CRLF1: variants seen among roughly 807,000 people sequenced by gnomAD.
The protein encoded by CRLF1 is cytokine receptor like factor 1.
A neutral mutation model predicts 48.9 loss-of-function variants in CRLF1; 36 were observed. The observed-to-expected ratio is 0.74, with a 90% CI of 0.56 to 0.97. The LOEUF (loss-of-function observed/expected upper bound fraction) is 0.97. Among genes scored for constraint, CRLF1 ranks in the 50% least tolerant of loss-of-function variants. The probability of loss-of-function intolerance (pLI) is 0.00; values close to 1 mark genes in which losing one functional copy is unlikely to be tolerated. For missense variants in CRLF1, 534 were observed against 575.1 expected, an observed-to-expected ratio of 0.93 and a Z score of 0.73; for synonymous variants, 256 against 253.4, an observed-to-expected ratio of 1.01 and a Z score of -0.10.
intron 1 of CRLF1, among the ~76,000 whole-genome samples, chr19:18,601,468 G>A (rs774716569): frequency 1.3e-5 from 2 of 152,042 alleles, no homozygotes; most frequent in Non-Finnish European, 2.9e-5. Flanking sequence ...GTAGAGATGT[G>A]GTTTCACCGT....
In CRLF1 at chr19:18,596,613, G is replaced by A. The variant is rs754221400; in HGVS notation, c.1024+9C>T. The A allele has an allele frequency of 9.3e-6, 15 of 1,613,870 alleles. No homozygotes were observed. The highest frequency in any genetic ancestry group is 1.3e-5 in the Non-Finnish European group (15 of 1,179,878). On this transcript the variant is annotated intron_variant, in intron 6 of 8. Coordinates refer to ENST00000392386, the MANE Select transcript of CRLF1 (RefSeq NM_004750.5). ...CCGCTGGATCACCCAGCCCTAGGAGGGTGCTCACCACTGCGGGGAGTGGAG... is the reference window on the plus strand; with the variant it reads ...CCGCTGGATCACCCAGCCCTAGGAGAGTGCTCACCACTGCGGGGAGTGGAG...
At chr19:18,598,734 G>A (rs766802720) in intron 3 of CRLF1, 38 bp downstream of exon 3, 6 of 1,614,084 alleles carry the variant, frequency 3.7e-6, no homozygotes, top group Non-Finnish European at 5.1e-6. Context: ...CACGCAGCCA[G>A]CCTGGGACAC....
intron 8 of CRLF1, 33 bp downstream of exon 8, chr19:18,594,032 T>TGCGGCC: frequency 1.4e-6 from 1 of 695,814 alleles, no homozygotes; most frequent in Non-Finnish European, 2.2e-6. Context: ...CTCCCCTTGC[T>TGCGGCC]CCCTCCCGCC....
chr19:18,594,072 C>T lies in CRLF1; in HGVS notation c.1248G>A (p.Thr416=), dbSNP rs569275222. 12 of 1,538,088 alleles carry T rather than the reference C, an allele frequency of 7.8e-6. No homozygotes were observed. Among genetic ancestry groups the T allele is most frequent in the Non-Finnish European group, 1.1e-5 (12 of 1,139,992 alleles). ...EGILPSGRRG[T]ARGPAR ...CATTCAGGCCCACCTTACCTCTCGC[C>T]GTGCCCCGTCTGCCCGAGGGCAGGA... Residue 416 remains threonine, a synonymous_variant, in exon 8 of 9, where the codon ACG becomes ACA. Transcript: ENST00000392386.
At chr19:18,604,017 C>G (rs1011054888) in intron 1 of CRLF1, among the ~76,000 whole-genome samples, 1 of 152,226 alleles carries the variant, frequency 6.6e-6, no homozygotes, top group African/African-American at 2.4e-5. Context: ...CCACCCACCG[C>G]TTCCTGCCTG....
At chr19:18,594,221 C>G in intron 7 of CRLF1, 26 bp downstream of exon 7, 1 of 1,612,552 alleles carries the variant, frequency 6.2e-7, no homozygotes, top group Non-Finnish European at 8.5e-7. Context: ...TCCCCACCCC[C>G]ACGCCCGAGG....
intron 6 of CRLF1, among the ~76,000 whole-genome samples, chr19:18,594,912 G>C (rs901572934): frequency 3.3e-5 from 5 of 152,144 alleles, no homozygotes; most frequent in Non-Finnish European, 7.4e-5. Context: ...GCCTGATCAG[G>C]GTAGGACAGA....
At position 18,598,826 on chromosome 19, in the gene CRLF1, C is replaced by T. The variant is rs372978101; in HGVS notation, c.473G>A (p.Gly158Glu). The change falls in exon 3 of 9, where the codon GGG (glycine) becomes GAG (glutamate). Residue 158 changes from glycine to glutamate, a missense_variant. Around this residue, in one of 2 missense-constraint regions of CRLF1, gnomAD observed 528 missense variants for 555.7 expected, o/e 0.95. Coordinates refer to ENST00000392386, the MANE Select transcript of CRLF1 (RefSeq NM_004750.5). ...GTGGAGGAAGGTCTCCCCGTGGGCCCCTGGCGTCCAGCGGCAGGTCAAGTC... is the reference window on the plus strand; with the variant it reads ...GTGGAGGAAGGTCTCCCCGTGGGCCTCTGGCGTCCAGCGGCAGGTCAAGTC... ...MKDLTCRWTP[G>E]AHGETFLHTN... 1.9e-6 allele frequency: 3 copies of T among 1,614,116 alleles called. No individual in the cohort carries two copies. The highest frequency in any genetic ancestry group is 3.3e-5 in the Admixed American group (2 of 60,018).
At chr19:18,602,899 C>T (rs1028324375) in intron 1 of CRLF1, among the ~76,000 whole-genome samples, 25 of 152,028 alleles carry the variant, frequency 1.6e-4, no homozygotes, top group Non-Finnish European at 2.2e-4. Flanking sequence ...TTAGGAGAGA[C>T]GGAGTTTCGC....
intron 1 of CRLF1, among the ~76,000 whole-genome samples, chr19:18,601,279 G>GTTT (rs58921623): frequency 7.0e-6 from 1 of 143,026 alleles, no homozygotes; most frequent in Non-Finnish European, 1.5e-5. Context: ...AGAGCACCAT[G>GTTT]TTTTTTTTTT....
chr19:18,594,281 G>T lies in CRLF1; in HGVS notation c.1178C>A (p.Ala393Asp). 1.2e-6 allele frequency: 2 copies of T among 1,612,562 alleles called. No homozygotes were observed. Among genetic ancestry groups the T allele is most frequent in the South Asian group, 2.2e-5 (2 of 91,062 alleles). ...LSFRLYDQWR[A>D]WMQKSHKTRN... is the part of the protein sequence containing the mutation. ...GGTCTTGTGCGACTTCTGCATCCAGGCTCGCCACTGGTCGTAGAGGCGGAA... is the reference window on the plus strand; with the variant it reads ...GGTCTTGTGCGACTTCTGCATCCAGTCTCGCCACTGGTCGTAGAGGCGGAA... The change falls in exon 7 of 9, where the codon GCC becomes GAC. Residue 393 changes from alanine to aspartate, a missense_variant. This residue lies in a region of CRLF1 where 528 missense variants were observed against 555.7 expected (regional missense o/e 0.95). Coordinates refer to ENST00000392386, the MANE Select transcript of CRLF1 (RefSeq NM_004750.5).
chr19:18,601,792 A>G (rs1187451028), intron 1 of CRLF1, among the ~76,000 whole-genome samples: 1 of 152,112 alleles, frequency 6.6e-6, no homozygotes, highest in Non-Finnish European at 1.5e-5. Flanking sequence ...CTTATATGTT[A>G]AAGATGAAAA....
At position 18,605,344 on chromosome 19, in the gene CRLF1, C is replaced by T. The variant is rs146899185; in HGVS notation, c.115+1198G>A. Among the ~76,000 whole-genome samples, 343 of 152,304 alleles carry T rather than the reference C, an allele frequency of 2.3e-3. 1 individual carries two copies. Among genetic ancestry groups the T allele is most frequent in the African/African-American group, 8.0e-3 (331 of 41,576 alleles). On this transcript the variant is annotated intron_variant, in intron 1 of 8. Coordinates refer to ENST00000392386, the MANE Select transcript of CRLF1 (RefSeq NM_004750.5). ...CCCTAGAAGATGCCCGGACCCTGCC[C>T]CTTCCCGGAGGAGCCCTACAGGCAG...
At chr19:18,594,007 C>A in intron 8 of CRLF1, 58 bp downstream of exon 8, 1 of 1,537,656 alleles carries the variant, frequency 6.5e-7, no homozygotes, top group Non-Finnish European at 8.8e-7. Context: ...AGACCTGCAG[C>A]CACCGGAAGG....
In CRLF1 at chr19:18,593,426, G is replaced by A; in HGVS notation, c.*140C>T. ...TCACGTGGGAGTCAGAGCTGTTATG[G>A]CCGTTGGAGCTCAGGGGCCACCCCA... On this transcript the variant is annotated 3_prime_UTR_variant, in exon 9 of 9. Coordinates refer to ENST00000392386, the MANE Select transcript of CRLF1 (RefSeq NM_004750.5). The A allele has an allele frequency of 8.3e-7, 1 of 1,210,622 alleles. No individual in the cohort carries two copies. Among genetic ancestry groups the A allele is most frequent in the Non-Finnish European group, 1.2e-6 (1 of 855,112 alleles). The allele number at this position is 1,210,622 out of a possible 1,614,324, so 75.0% of individuals were successfully genotyped here.
At position 18,606,401 on chromosome 19, in the gene CRLF1, C is replaced by T. The variant is rs1976296502; in HGVS notation, c.115+141G>A. ...GCCGTGTGCCCCGCAGGTGAGGGCGCCCCGAGGGCTGCGCCGGGGGCGCCT... is the reference window on the plus strand; with the variant it reads ...GCCGTGTGCCCCGCAGGTGAGGGCGTCCCGAGGGCTGCGCCGGGGGCGCCT... On this transcript the variant is annotated intron_variant, in intron 1 of 8. Transcript: ENST00000392386. This position sits in a 1 kb window ranked among gnomAD's most constrained non-coding sequence, Gnocchi z 4.8. The T allele has an allele frequency of 6.8e-6, 4 of 584,018 alleles. No homozygotes were observed. Among genetic ancestry groups the T allele is most frequent in the Non-Finnish European group, 6.6e-6 (3 of 456,376 alleles). The allele number at this position is 584,018 out of a possible 1,614,324, so 36.2% of individuals were successfully genotyped here.
Position 18,594,382 on chromosome 19 carries a change from G to C in CRLF1, c.1077C>G (p.Ser359Arg). Residue 359 changes from serine to arginine, a missense_variant, in exon 7 of 9, where the codon AGC becomes AGG. Physicochemically the swap from Ser to Arg is moderately radical, Grantham distance 110. Around this residue, in one of 2 missense-constraint regions of CRLF1, gnomAD observed 528 missense variants for 555.7 expected, o/e 0.95. Transcript: ENST00000392386. ...TGAGCTCGCGCCGCACCGGCCCCGA[G>C]CTCGGCTCTCCGCCCCGCGGTTCGC... ...GACEPRGGEP[S>R]SGPVRRELKQ... The C allele has an allele frequency of 6.2e-7, 1 of 1,600,652 alleles. No individual in the cohort carries two copies. Among genetic ancestry groups the C allele is most frequent in the Non-Finnish European group, 8.5e-7 (1 of 1,173,438 alleles).
rs942529784 is a variant in CRLF1 at position 18,598,690 on chromosome 19, TG to T, written c.527+81del. The T allele has an allele frequency of 8.1e-6, 13 of 1,613,652 alleles. No individual in the cohort carries two copies. In the African/African-American group the frequency reaches 1.7e-4, roughly 22 times the overall value. On this transcript the variant is annotated intron_variant, in intron 3 of 8. Transcript: ENST00000392386. ...GCAGCCTCAGGGTGCAGACAACACA[TG>T]GGGGCTCAGAGAGGGTCCGCGTTGG...
In CRLF1 at chr19:18,606,459, G is replaced by C; in HGVS notation, c.115+83C>G. The C allele has an allele frequency of 1.6e-5, 16 of 1,027,024 alleles. No individual in the cohort carries two copies. The highest frequency in any genetic ancestry group is 1.9e-5 in the Non-Finnish European group (16 of 850,478). 63.6% of individuals were successfully genotyped at this position (1,027,024 alleles called of 1,614,324 possible). A position where few individuals can be genotyped will look rare whatever the true frequency, so the allele number is the denominator to read the frequency against. On this transcript the variant is annotated intron_variant, in intron 1 of 8. Coordinates refer to ENST00000392386, the MANE Select transcript of CRLF1 (RefSeq NM_004750.5). The surrounding 1 kb of genome is among the most constrained non-coding windows in gnomAD (Gnocchi z 4.8). ...TTCCCCGGCCGTCCAGGTGGCGCCCGCGCCCCCTCCCCCCGCGGCTGCCCC... is the reference window on the plus strand; with the variant it reads ...TTCCCCGGCCGTCCAGGTGGCGCCCCCGCCCCCTCCCCCCGCGGCTGCCCC...
Sources: gnomAD v4.1 joint callset for allele counts (sites outside exome capture counted in the v4.1 genomes callset) on GRCh38, gnomAD v4.1.1 for gene constraint, gnomAD v4.1.1 regional missense constraint, Gnocchi (gnomAD v3.1) non-coding constraint, MANE v1.5 for transcripts, NCBI Gene and HGNC (gene_info 2026-07-23, HGNC 2026-07-21) for gene names.